ALG12: variants seen among roughly 807,000 people sequenced by gnomAD.
ALG12 encodes the protein ALG12 alpha-1,6-mannosyltransferase.
A neutral mutation model predicts 46.0 loss-of-function variants in ALG12; 36 were observed. The ratio of observed to expected loss-of-function variants is 0.78; its 90% CI spans 0.60 to 1.03. The LOEUF is 1.03. Among genes scored for constraint, ALG12 ranks in the 50% least tolerant of loss-of-function variants. The pLI is 0.00. For synonymous variants in ALG12, 326 were observed against 291.6 expected, an observed-to-expected ratio of 1.12 and a Z score of -1.20; for missense variants, 599 against 633.5, an observed-to-expected ratio of 0.95 and a Z score of 0.58.
chr22:49,887,360 C>A, the ALG12 span: 1 of 535,906 alleles, frequency 1.9e-6, no homozygotes, highest in African/African-American at 1.9e-5. Flanking sequence ...GGCCAAGTTT[C>A]GCGGGGTGTT....
chr22:49,916,349 G>C (rs9616374), intron 1 of ALG12, among the ~76,000 whole-genome samples: 18,760 of 152,158 alleles, frequency 0.12, 1,190 homozygotes, highest in South Asian at 0.15. Flanking sequence ...TTGGGAGGCT[G>C]AGGTGGGTGG....
chr22:49,878,871 G>A, the ALG12 span, among the ~76,000 whole-genome samples: 3 of 152,100 alleles, frequency 2.0e-5, no homozygotes, highest in East Asian at 3.9e-4. Flanking sequence ...TGGGCCAGGC[G>A]TGGTGGCTCA....
the ALG12 span, among the ~76,000 whole-genome samples, chr22:49,864,839 A>AAAAAAAAAAAG: frequency 7.5e-5 from 10 of 133,110 alleles, 4 homozygotes; most frequent in African/African-American, 3.3e-4. Flanking sequence ...AAAAAAAAAA[A>AAAAAAAAAAAG]GCCCTGATTA....
chr22:49,882,447 T>C, the ALG12 span, among the ~76,000 whole-genome samples: 1 of 152,160 alleles, frequency 6.6e-6, no homozygotes, highest in Non-Finnish European at 1.5e-5. Flanking sequence ...TTTTCTAGAG[T>C]CTGGTTTTAT....
the ALG12 span, among the ~76,000 whole-genome samples, chr22:49,890,313 C>G: frequency 6.6e-6 from 1 of 152,130 alleles, no homozygotes; most frequent in South Asian, 2.1e-4. Flanking sequence ...TCTCTTAAAA[C>G]CACCAACAAT....
the ALG12 span, chr22:49,883,997 T>C: frequency 6.2e-7 from 1 of 1,612,660 alleles, no homozygotes; most frequent in South Asian, 1.1e-5. Flanking sequence ...AGCCGGAACA[T>C]GAGCTCCAGG....
chr22:49,912,648 G>A (rs2060585224), intron 3 of ALG12, among the ~76,000 whole-genome samples: 1 of 152,190 alleles, frequency 6.6e-6, no homozygotes, highest in African/African-American at 2.4e-5. Context: ...AGCATGTCTG[G>A]GTATTAAAAG....
Position 49,907,713 on chromosome 22 carries a change from G to A in ALG12, c.992+8C>T, listed in dbSNP as rs1450611570. 1.2e-6 allele frequency: 2 copies of A among 1,612,878 alleles called. No individual in the cohort carries two copies. Among genetic ancestry groups the A allele is most frequent in the Non-Finnish European group, 1.7e-6 (2 of 1,179,180 alleles). On this transcript the variant is annotated splice_region_variant and intron_variant, in intron 7 of 9. Coordinates refer to ENST00000330817, the MANE Select transcript of ALG12 (RefSeq NM_024105.4). The stretch of plus-strand genomic sequence containing the variant: ...TATAAAAATGCATGTCACAAAAAGA[G>A]CACTCACAGGTAGGAGCAGCCTCTG...
At chr22:49,864,932 A>C in the ALG12 span, among the ~76,000 whole-genome samples, 2 of 35,356 alleles carry the variant, frequency 5.7e-5, no homozygotes, top group Admixed American at 3.1e-4. Context: ...GTTCTATCCC[A>C]GCAAGCCCCC....
At chr22:49,886,460 T>A in the ALG12 span, 1 of 1,574,204 alleles carries the variant, frequency 6.4e-7, no homozygotes, top group Non-Finnish European at 8.6e-7. The surrounding 1 kb of genome is among the most constrained non-coding windows in gnomAD (Gnocchi z 7.7). Flanking sequence ...ATGCAGTCCG[T>A]GTGCCGTGCG....
Position 49,902,440 on chromosome 22 carries a change from G to A in ALG12, c.*1398C>T, listed in dbSNP as rs1184846471. On this transcript the variant is annotated 3_prime_UTR_variant, in exon 10 of 10. Transcript: ENST00000330817. ...CACTGTGTATGCATGGTGTGTGCAC[G>A]TGTGCACTGTGTATGCATGGTGTGT... The A allele has an allele frequency of 1.3e-5, 1 of 74,084 alleles. No homozygotes were observed. The highest frequency in any genetic ancestry group is 2.3e-5 in the Non-Finnish European group (1 of 44,204). The allele number at this position is 74,084 out of a possible 1,614,324, so 4.6% of individuals were successfully genotyped here. A position where few individuals can be genotyped will look rare whatever the true frequency, so the allele number is the denominator to read the frequency against.
At position 49,913,440 on chromosome 22, in the gene ALG12, G is replaced by A. The variant is rs773878720; in HGVS notation, c.240C>T (p.Pro80=). 37 of 1,613,886 alleles carry A rather than the reference G, an allele frequency of 2.3e-5. No individual in the cohort carries two copies. The highest frequency in any genetic ancestry group is 1.6e-4 in the Middle Eastern group (1 of 6,084). The change falls in exon 3 of 10, where the codon CCC becomes CCT. Residue 80 remains proline (P), a synonymous_variant. Coordinates refer to ENST00000330817, the MANE Select transcript of ALG12 (RefSeq NM_024105.4). ...GPVVIAVFSS[P]AVYVLSLLEM... is the part of the protein sequence containing the mutation. Reference sequence around the variant, plus strand: ...CTAACAGCGAAAGCACGTAAACCGCGGGGCTGGAGAACACTGCGATCACCA... The same window carrying A: ...CTAACAGCGAAAGCACGTAAACCGCAGGGCTGGAGAACACTGCGATCACCA...
At chr22:49,883,601 A>G in the ALG12 span, 1 of 1,466,904 alleles carries the variant, frequency 6.8e-7, no homozygotes, top group Admixed American at 2.3e-5. Context: ...CGGGGGCACA[A>G]ATGAGCACTT....
chr22:49,879,360 C>T, the ALG12 span, among the ~76,000 whole-genome samples: 6 of 151,854 alleles, frequency 4.0e-5, no homozygotes, highest in Non-Finnish European at 8.8e-5. Flanking sequence ...CTCCTGAGCT[C>T]GGTTGATCCG....
At chr22:49,910,837 G>A (rs1304545873) in intron 3 of ALG12, among the ~76,000 whole-genome samples, 4 of 152,354 alleles carry the variant, frequency 2.6e-5, no homozygotes, top group African/African-American at 7.2e-5. Context: ...GGACCCTTGC[G>A]GGGGCTGCTC....
the ALG12 span, among the ~76,000 whole-genome samples, chr22:49,875,881 A>G: frequency 6.6e-6 from 1 of 151,624 alleles, no homozygotes; most frequent in African/African-American, 2.4e-5. Flanking sequence ...CAATATTTGT[A>G]GAAGCTTATC....
rs767907107 is a variant in ALG12 at position 49,903,584 on chromosome 22, G to A, written c.*254C>T. On this transcript the variant is annotated 3_prime_UTR_variant, in exon 10 of 10. Transcript: ENST00000330817. ...GACAGTCACCCGCAGGAAGCCCTGA[G>A]CTGGCCACCATCACCCTGGGCAGTG... 1.5e-6 allele frequency: 1 copy of A among 666,870 alleles called. No individual in the cohort carries two copies. The highest frequency in any genetic ancestry group is 1.5e-5 in the South Asian group (1 of 66,404). The allele number at this position is 666,870 out of a possible 1,614,324, so 41.3% of individuals were successfully genotyped here.
the ALG12 span, among the ~76,000 whole-genome samples, chr22:49,866,459 GTTTC>G: frequency 6.6e-6 from 1 of 151,700 alleles, no homozygotes; most frequent in Non-Finnish European, 1.5e-5. Context: ...TTGTTCTCCT[GTTTC>G]TTCTTTTTTA....
At chr22:49,896,591 C>T (rs117951860), downstream of ALG12, among the ~76,000 whole-genome samples, 614 of 152,286 alleles carry the variant, frequency 4.0e-3, 3 homozygotes, top group Middle Eastern at 0.027. Flanking sequence ...TTTCTCTTTT[C>T]CTGTCAACAT....
Sources: allele counts gnomAD v4.1 joint callset (sites outside exome capture counted in the v4.1 genomes callset), GRCh38; gene constraint gnomAD v4.1.1; non-coding constraint Gnocchi (gnomAD v3.1); transcripts MANE v1.5; gene names NCBI Gene and HGNC (gene_info 2026-07-23, HGNC 2026-07-21).